Variants in CSRNP1 observed in about 807,000 individuals in gnomAD.
The protein encoded by CSRNP1 is cysteine and serine rich nuclear protein 1.
A neutral mutation model predicts 25.0 loss-of-function variants in CSRNP1; 8 were observed. The ratio of observed to expected loss-of-function variants is 0.32; its 90% CI spans 0.19 to 0.58. The LOEUF (loss-of-function observed/expected upper bound fraction) is 0.58. Ranked by LOEUF, CSRNP1 falls within the 20% of genes least tolerant of loss-of-function variation. CSRNP1 has a pLI of 0.88. For missense variants in CSRNP1, 691 were observed against 773.1 expected (o/e 0.89, Z 1.26); for synonymous variants, 305 against 303.1 (o/e 1.01, Z -0.06).
chr3:39,143,435 A>G lies in CSRNP1; in HGVS notation c.1390T>C (p.Cys464Arg), dbSNP rs1227058302. The G allele has an allele frequency of 6.2e-7, 1 of 1,614,176 alleles. No individual in the cohort carries two copies. Among genetic ancestry groups the G allele is most frequent in the Admixed American group, 1.7e-5 (1 of 60,022 alleles). ...CCTTCAAGGCCACCATTTAGGAAGCAGCTGGCATCCAGGTTGGCATTCTCA... is the reference window on the plus strand; with the variant it reads ...CCTTCAAGGCCACCATTTAGGAAGCGGCTGGCATCCAGGTTGGCATTCTCA... ...LDENANLDAS[C>R]FLNGGLEGSR... is the part of the protein sequence containing the mutation. Residue 464 changes from cysteine (C) to arginine (R), a missense_variant, in exon 5 of 5, where the codon TGC (cysteine) becomes CGC (arginine). By Grantham distance (180) the Cys-to-Arg change is radical. Transcript: ENST00000273153.
chr3:39,154,221 A>C (rs2039627675), upstream of CSRNP1: 1 of 152,202 alleles, frequency 6.6e-6, no homozygotes, highest in African/African-American at 2.4e-5. Context: ...CCCACGGGCC[A>C]AGAGACCCTT....
In CSRNP1 at chr3:39,144,352, C is replaced by T; in HGVS notation, c.565G>A (p.Ala189Thr). 1 of 1,614,148 alleles carries T rather than the reference C, an allele frequency of 6.2e-7. No homozygotes were observed. The highest frequency in any genetic ancestry group is 8.5e-7 in the Non-Finnish European group (1 of 1,180,044). The change falls in exon 4 of 5, where the codon GCA (alanine) becomes ACA (threonine). Residue 189 changes from alanine to threonine, a missense_variant. By Grantham distance (58) the Ala-to-Thr change is moderately conservative (BLOSUM62 0). Transcript: ENST00000273153. ...CTCACTTCTTCCAACCGGCCACCTG[C>T]CACAGCGACTGCCAAGTCCTCCTCC... is the stretch of plus-strand genomic sequence containing the variant. ...SVEEDLAVAV[A>T]GGRLEEVSFL...
rs369147979 is a variant in CSRNP1, at chr3:39,143,124, T to C, written c.1701A>G (p.Leu567=). Residue 567 remains leucine (L), a synonymous_variant, in exon 5 of 5, where the codon CTA becomes CTG. Coordinates refer to ENST00000273153, the MANE Select transcript of CSRNP1 (RefSeq NM_033027.4). Reference sequence around the variant, plus strand: ...CAAACTGGCTGTCAATAAAGGGATCTAGGGCTTCGGCGGCTGGCTCGGAGA... The same window carrying C: ...CAAACTGGCTGTCAATAAAGGGATCCAGGGCTTCGGCGGCTGGCTCGGAGA... The part of the protein sequence containing the change: ...MGFSEPAAEA[L]DPFIDSQFED... 13 of 1,613,866 alleles carry C rather than the reference T, an allele frequency of 8.1e-6. No homozygotes were observed. Among genetic ancestry groups the C allele is most frequent in the African/African-American group, 1.3e-5 (1 of 75,042 alleles).
intron 1 of CSRNP1, chr3:39,151,094 G>C (rs2039575352): frequency 6.5e-6 from 1 of 152,730 alleles, no homozygotes; most frequent in African/African-American, 2.4e-5. Flanking sequence ...GTCAGAGGTG[G>C]GGGGAGGGGC....
rs2039452505 is a variant in CSRNP1 at position 39,143,615 on chromosome 3, C to T, written c.1210G>A (p.Gly404Arg). 1 of 1,614,214 alleles carries T rather than the reference C, an allele frequency of 6.2e-7. No homozygotes were observed. Among genetic ancestry groups the T allele is most frequent in the Non-Finnish European group, 8.5e-7 (1 of 1,180,050 alleles). ...CCTTCCTCCTCTTCCTCCTCCTCCC[C>T]ACCGAAGTCAGAGTCACTGAAACTC... ...ILSFSDSDFG[G>R]EEEEEEEGSV... The change falls in exon 5 of 5, where the codon GGG becomes AGG. Residue 404 changes from glycine to arginine, a missense_variant. Physicochemically the swap from Gly to Arg is moderately radical, Grantham distance 125. Transcript: ENST00000273153.
intron 1 of CSRNP1, 54 bp downstream of exon 1, chr3:39,153,384 A>G: frequency 4.5e-6 from 1 of 220,368 alleles, no homozygotes; most frequent in South Asian, 3.6e-5. Flanking sequence ...CTCGCGCTGA[A>G]TGCCCCCTCC....
chr3:39,152,568 TG>T (rs2039597595), intron 1 of CSRNP1: 1 of 153,972 alleles, frequency 6.5e-6, no homozygotes, highest in Non-Finnish European at 1.5e-5. Context: ...GTGGAGGTGC[TG>T]GGTGGGCAGC....
chr3:39,144,193 C>A lies in CSRNP1; in HGVS notation c.724G>T (p.Asp242Tyr). 4.3e-6 allele frequency: 7 copies of A among 1,614,180 alleles called. No homozygotes were observed. The highest frequency in any genetic ancestry group is 5.9e-6 in the Non-Finnish European group (7 of 1,180,034). Residue 242 changes from aspartate (D) to tyrosine (Y), a missense_variant, in exon 4 of 5, where the codon GAT becomes TAT. Transcript: ENST00000273153. Reference protein sequence around the residue: ...QSREDCGCHCDRICDPETCSC... With the variant: ...QSREDCGCHCYRICDPETCSC... The stretch of plus-strand genomic sequence containing the variant: ...CAGGTCTCAGGGTCGCAGATCCTAT[C>A]GCAGTGACAGCCACAATCCTCCCGG...
Position 39,142,871 on chromosome 3 carries a change from C to A in CSRNP1, c.*184G>T. The A allele has an allele frequency of 1.4e-6, 1 of 699,610 alleles. No homozygotes were observed. Among genetic ancestry groups the A allele is most frequent in the African/African-American group, 1.8e-5 (1 of 55,768 alleles). The allele number at this position is 699,610 out of a possible 1,614,324, so 43.3% of individuals were successfully genotyped here. On this transcript the variant is annotated 3_prime_UTR_variant, in exon 5 of 5. Coordinates refer to ENST00000273153, the MANE Select transcript of CSRNP1 (RefSeq NM_033027.4). ...GGAAGCCCCCTCCCCCCAGTCCTCTCTTCAGCACAGAAAAGTTAAAACAAA... is the reference window on the plus strand; with the variant it reads ...GGAAGCCCCCTCCCCCCAGTCCTCTATTCAGCACAGAAAAGTTAAAACAAA...
chr3:39,150,074 G>A (rs2039561387), intron 1 of CSRNP1: 1 of 152,182 alleles, frequency 6.6e-6, no homozygotes, highest in African/African-American at 2.4e-5. Context: ...CCAGCAAGAA[G>A]GTGTCCATCT....
chr3:39,153,429 G>T lies in CSRNP1; in HGVS notation c.-41+9C>A. ...CGTCCTGCCGGGCCCGAGGCCCCTC[G>T]GCGCTCACCTGCAATCCGGACGCTC... is the stretch of plus-strand genomic sequence containing the variant. On this transcript the variant is annotated intron_variant, in intron 1 of 4. Transcript: ENST00000273153. 1 of 315,194 alleles carries T rather than the reference G, an allele frequency of 3.2e-6. No homozygotes were observed. The highest frequency in any genetic ancestry group is 6.6e-6 in the Non-Finnish European group (1 of 151,060). 19.5% of individuals were successfully genotyped at this position (315,194 alleles called of 1,614,324 possible).
chr3:39,146,352 C>G (rs1268575895), intron 2 of CSRNP1, 126 bp downstream of exon 2: 4 of 1,216,078 alleles, frequency 3.3e-6, no homozygotes, highest in Non-Finnish European at 4.5e-6. Flanking sequence ...TATATTATAG[C>G]TCATGAGAGC....
chr3:39,154,241 A>C (rs1417278639), upstream of CSRNP1: 1 of 152,194 alleles, frequency 6.6e-6, no homozygotes, highest in Non-Finnish European at 1.5e-5. Flanking sequence ...TCCCTGCAGA[A>C]GTTCCAAACT....
intron 1 of CSRNP1, among the ~76,000 whole-genome samples, chr3:39,146,991 G>GCACCAGGCACCTTCC (rs1442456836): frequency 6.6e-6 from 1 of 151,942 alleles, no homozygotes; most frequent in Non-Finnish European, 1.5e-5. Flanking sequence ...GCCTTCCCAG[G>GCACCAGGCACCTTCC]CACCAGGCAC....
rs1246312328 is a variant in CSRNP1 at position 39,145,265 on chromosome 3, C to G, written c.206-9G>C. 20 of 1,560,582 alleles carry G rather than the reference C, an allele frequency of 1.3e-5. No homozygotes were observed. The highest frequency in any genetic ancestry group is 1.7e-5 in the Non-Finnish European group (20 of 1,148,724). On this transcript the variant is annotated splice_polypyrimidine_tract_variant and intron_variant, in intron 2 of 4. Transcript: ENST00000273153. ...CTTCAGGATAGACAGGGCTAGAAAG[C>G]AGGCAAAGATGGGCTGGGGATTAGT...
In CSRNP1 at chr3:39,153,531, GC is replaced by G. The variant is rs1381986166; in HGVS notation, c.-135del. The G allele has an allele frequency of 4.8e-6, 1 of 208,580 alleles. No individual in the cohort carries two copies. Among genetic ancestry groups the G allele is most frequent in the African/African-American group, 2.4e-5 (1 of 41,902 alleles). The allele number at this position is 208,580 out of a possible 1,614,324, so 12.9% of individuals were successfully genotyped here. A position where few individuals can be genotyped will look rare whatever the true frequency, so the allele number is the denominator to read the frequency against. Reference sequence around the variant, plus strand: ...GCGACTCTGTGCGCTCGGCCCGGCAGCCGTCGGTCCAGCCGCCCCTCGCTCT... The same window carrying G: ...GCGACTCTGTGCGCTCGGCCCGGCAGCGTCGGTCCAGCCGCCCCTCGCTCT... On this transcript the variant is annotated 5_prime_UTR_variant, in exon 1 of 5. Coordinates refer to ENST00000273153, the MANE Select transcript of CSRNP1 (RefSeq NM_033027.4).
intron 2 of CSRNP1, 92 bp downstream of exon 2, chr3:39,146,386 C>T (rs2039511033): frequency 3.5e-6 from 5 of 1,439,128 alleles, no homozygotes; most frequent in Admixed American, 5.5e-5. Context: ...ACCTAACCAC[C>T]AGAGGCCAAA....
Position 39,142,964 on chromosome 3 carries a change from G to A in CSRNP1, c.*91C>T. The A allele has an allele frequency of 7.0e-7, 1 of 1,437,504 alleles. No individual in the cohort carries two copies. Among genetic ancestry groups the A allele is most frequent in the Non-Finnish European group, 9.4e-7 (1 of 1,065,360 alleles). 89.0% of individuals were successfully genotyped at this position (1,437,504 alleles called of 1,614,324 possible). A position where few individuals can be genotyped will look rare whatever the true frequency, so the allele number is the denominator to read the frequency against. On this transcript the variant is annotated 3_prime_UTR_variant, in exon 5 of 5. Coordinates refer to ENST00000273153, the MANE Select transcript of CSRNP1 (RefSeq NM_033027.4). Reference sequence around the variant, plus strand: ...ATGGCACCTGTGGGTGAGCCAGCCAGTGGGAGACTGTTACGCAGACTCTGG... The same window carrying A: ...ATGGCACCTGTGGGTGAGCCAGCCAATGGGAGACTGTTACGCAGACTCTGG...
At chr3:39,151,137 C>T (rs2039575699) in intron 1 of CSRNP1, 1 of 152,292 alleles carries the variant, frequency 6.6e-6, no homozygotes. Flanking sequence ...AAGATCCTGA[C>T]CATGGCAGTG....
Sources: gnomAD v4.1 joint callset for allele counts (sites outside exome capture counted in the v4.1 genomes callset) on GRCh38, gnomAD v4.1.1 for gene constraint, MANE v1.5 for transcripts, NCBI Gene and HGNC (gene_info 2026-07-23, HGNC 2026-07-21) for gene names.